PCDHGA2: variants seen among roughly 807,000 people sequenced by gnomAD.
PCDHGA2 encodes the protein protocadherin gamma subfamily A, 2, also known as protocadherin gamma-A2.
In PCDHGA2, 40 loss-of-function variants were observed where a neutral mutation model predicts 59.2. The observed-to-expected ratio is 0.68, with a 90% CI of 0.52 to 0.88. PCDHGA2 has a LOEUF of 0.88. Ranked by LOEUF, PCDHGA2 falls within the 40% of genes least tolerant of loss-of-function variation. The pLI is 0.00. For missense variants in PCDHGA2, 1,226 were observed against 1,204.0 expected (o/e 1.02, Z -0.27); for synonymous variants, 560 against 526.0 (o/e 1.06, Z -0.89).
At position 141,371,452 on chromosome 5, in the gene PCDHGA2, C is replaced by A. The variant is rs1430739263; in HGVS notation, c.2424+30057C>A. The stretch of plus-strand genomic sequence containing the variant: ...CCGGAGATAACCCTGGCTTCTGAAT[C>A]CCAACATATACAAGAAGATGCTGAG... On this transcript the variant is annotated intron_variant, in intron 1 of 3. Coordinates refer to ENST00000394576, the MANE Select transcript of PCDHGA2 (RefSeq NM_018915.4). 3.7e-6 allele frequency: 6 copies of A among 1,613,858 alleles called. No homozygotes were observed. In the Admixed American group the frequency reaches 8.3e-5, roughly 22 times the overall value.
intron 1 of PCDHGA2, chr5:141,416,995 T>G (rs912921234): frequency 2.0e-5 from 3 of 151,486 alleles, no homozygotes; most frequent in Non-Finnish European, 2.9e-5. Flanking sequence ...TGTGCATTCA[T>G]CTCAAATAAT....
chr5:141,364,094 A>C (rs4151697), intron 1 of PCDHGA2: 1 of 397,748 alleles, frequency 2.5e-6, no homozygotes, highest in Non-Finnish European at 4.4e-6. Flanking sequence ...ATGGAATTTG[A>C]TGCAGTCACT....
intron 1 of PCDHGA2, chr5:141,365,557 C>T (rs1763991052): frequency 1.2e-6 from 2 of 1,613,606 alleles, no homozygotes; most frequent in African/African-American, 1.3e-5. Flanking sequence ...CAACTAGGGA[C>T]CTGGACAGAG....
Position 141,388,206 on chromosome 5 carries a change from G to C in PCDHGA2, c.2424+46811G>C. ...GCCAGCTTGTGCTCTGGAATTTGAGGCTGTTGCTGAAAATCCACTGAACTT... is the reference window on the plus strand; with the variant it reads ...GCCAGCTTGTGCTCTGGAATTTGAGCCTGTTGCTGAAAATCCACTGAACTT... On this transcript the variant is annotated intron_variant, in intron 1 of 3. Coordinates refer to ENST00000394576, the MANE Select transcript of PCDHGA2 (RefSeq NM_018915.4). 4 of 1,578,262 alleles carry C rather than the reference G, an allele frequency of 2.5e-6. No homozygotes were observed. In the South Asian group the frequency reaches 4.5e-5, roughly 18 times the overall value.
chr5:141,399,138 T>C (rs757310717), intron 1 of PCDHGA2: 3 of 1,613,774 alleles, frequency 1.9e-6, no homozygotes, highest in Non-Finnish European at 2.5e-6. Context: ...AAGATGAAAA[T>C]GACAATAGCC....
chr5:141,508,479 T>G (rs1361434920), intron 3 of PCDHGA2, among the ~76,000 whole-genome samples: 1 of 152,152 alleles, frequency 6.6e-6, no homozygotes, highest in Non-Finnish European at 1.5e-5. Flanking sequence ...TCTTTTACAT[T>G]CTGGATTTCC....
chr5:141,477,845 G>A lies in PCDHGA2; in HGVS notation c.2425-16962G>A, dbSNP rs1164464559. On this transcript the variant is annotated intron_variant, in intron 1 of 3. Transcript: ENST00000394576. This position sits in a 1 kb window ranked among gnomAD's most constrained non-coding sequence, Gnocchi z 4.9. ...ATATCCTCGGCCAGGTGGGAGCTCGGTGGAGATGCTGCCTCGAGGTACCTC... is the reference window on the plus strand; with the variant it reads ...ATATCCTCGGCCAGGTGGGAGCTCGATGGAGATGCTGCCTCGAGGTACCTC... 11 of 1,614,040 alleles carry A rather than the reference G, an allele frequency of 6.8e-6. No individual in the cohort carries two copies. The highest frequency in any genetic ancestry group is 9.3e-6 in the Non-Finnish European group (11 of 1,180,036).
chr5:141,408,878 G>A lies in PCDHGA2; in HGVS notation c.2424+67483G>A. The stretch of plus-strand genomic sequence containing the variant: ...AGGGGACCCACCAAGAAGTGCCACC[G>A]CTCACATAGAAATTTCTGTCAAGGA... On this transcript the variant is annotated intron_variant, in intron 1 of 3. Coordinates refer to ENST00000394576, the MANE Select transcript of PCDHGA2 (RefSeq NM_018915.4). 1.9e-6 allele frequency: 3 copies of A among 1,613,048 alleles called. No homozygotes were observed. Among genetic ancestry groups the A allele is most frequent in the Non-Finnish European group, 1.7e-6 (2 of 1,179,590 alleles).
In PCDHGA2 at chr5:141,422,632, G is replaced by T. The variant is rs199543811; in HGVS notation, c.2425-72175G>T. ...CTACATTCCCGAAAACAACCCCAGGGGTGCCTCCATCTTCTCAGTGACCGC... is the reference window on the plus strand; with the variant it reads ...CTACATTCCCGAAAACAACCCCAGGTGTGCCTCCATCTTCTCAGTGACCGC... On this transcript the variant is annotated intron_variant, in intron 1 of 3. Coordinates refer to ENST00000394576, the MANE Select transcript of PCDHGA2 (RefSeq NM_018915.4). 4,245 of 1,613,132 alleles carry T rather than the reference G, an allele frequency of 2.6e-3. 5 individuals carry two copies. The highest frequency in any genetic ancestry group is 3.2e-3 in the Admixed American group (193 of 59,948).
chr5:141,372,042 G>T (rs373749332), intron 1 of PCDHGA2: 26 of 1,613,362 alleles, frequency 1.6e-5, no homozygotes, highest in African/African-American at 2.7e-5. Flanking sequence ...GAGCCTGCGC[G>T]TGTTGGTGGA....
In PCDHGA2 at chr5:141,402,724, G is replaced by A. The variant is rs558797465; in HGVS notation, c.2424+61329G>A. Among the ~76,000 whole-genome samples, 7 of 152,276 alleles carry A rather than the reference G, an allele frequency of 4.6e-5. No individual in the cohort carries two copies. The South Asian group carries it at 1.5e-3, about 32-fold the overall frequency. On this transcript the variant is annotated intron_variant, in intron 1 of 3. Transcript: ENST00000394576. Reference sequence around the variant, plus strand: ...GGGTGTAGTAACGGCTTAGGACTCTGAGCGCCGCTGTTGATCAACTCTAAG... The same window carrying A: ...GGGTGTAGTAACGGCTTAGGACTCTAAGCGCCGCTGTTGATCAACTCTAAG...
chr5:141,431,571 A>T lies in PCDHGA2; in HGVS notation c.2425-63236A>T, dbSNP rs781289120. 1.2e-6 allele frequency: 2 copies of T among 1,614,026 alleles called. No homozygotes were observed. Among genetic ancestry groups the T allele is most frequent in the African/African-American group, 1.3e-5 (1 of 74,938 alleles). On this transcript the variant is annotated intron_variant, in intron 1 of 3. Coordinates refer to ENST00000394576, the MANE Select transcript of PCDHGA2 (RefSeq NM_018915.4). This position sits in a 1 kb window ranked among gnomAD's most constrained non-coding sequence, Gnocchi z 4.8. ...GTAGTCAACGCTACCGACCCTGACG[A>T]AGGAGTCAATGCGGAAGTGAGGTAT...
At chr5:141,376,175 G>A (rs551078264) in intron 1 of PCDHGA2, 5 of 1,614,148 alleles carry the variant, frequency 3.1e-6, no homozygotes, top group African/African-American at 1.3e-5. Flanking sequence ...GGTGGCGGTG[G>A]CCGCGGTCTC....
chr5:141,409,666 C>T, intron 1 of PCDHGA2: 3 of 1,613,554 alleles, frequency 1.9e-6, no homozygotes, highest in Non-Finnish European at 2.5e-6. Flanking sequence ...GCCACATCTC[C>T]TACTCTATAG....
At chr5:141,382,541 T>G (rs1388934219) in intron 1 of PCDHGA2, among the ~76,000 whole-genome samples, 2 of 152,224 alleles carry the variant, frequency 1.3e-5, no homozygotes, top group African/African-American at 4.8e-5. Context: ...GATTTTTAAT[T>G]ATCAGGGATA....
At chr5:141,405,938 G>A (rs1249578216) in intron 1 of PCDHGA2, among the ~76,000 whole-genome samples, 2 of 152,114 alleles carry the variant, frequency 1.3e-5, no homozygotes, top group Non-Finnish European at 2.9e-5. Flanking sequence ...TAACTTTCAT[G>A]TTCTCATAAT....
chr5:141,355,899 G>A (rs1312662516), intron 1 of PCDHGA2: 1 of 1,613,612 alleles, frequency 6.2e-7, no homozygotes, highest in Admixed American at 1.7e-5. Context: ...TAATACTTGT[G>A]GATACCAACG....
At chr5:141,372,788 TA>T in intron 1 of PCDHGA2, 1 of 1,603,576 alleles carries the variant, frequency 6.2e-7, no homozygotes, top group Admixed American at 1.7e-5. Context: ...AAATGCCTTC[TA>T]ATTCAGGCAA....
At chr5:141,399,736 G>A (rs771689220) in intron 1 of PCDHGA2, 4 of 1,613,306 alleles carry the variant, frequency 2.5e-6, no homozygotes, top group Non-Finnish European at 3.4e-6. Flanking sequence ...GGGCTCGCCT[G>A]CGCTCAGCGC....
Sources: allele counts gnomAD v4.1 joint callset (sites outside exome capture counted in the v4.1 genomes callset), GRCh38; gene constraint gnomAD v4.1.1; non-coding constraint Gnocchi (gnomAD v3.1); transcripts MANE v1.5; gene names NCBI Gene and HGNC (gene_info 2026-07-23, HGNC 2026-07-21).